PRKCZ: variants seen among roughly 807,000 people sequenced by gnomAD.
The protein encoded by PRKCZ is protein kinase C zeta type.
PRKCZ carries 33 observed loss-of-function variants against 79.5 expected under a neutral mutation model. The ratio of observed to expected loss-of-function variants is 0.41; its 90% confidence interval spans 0.31 to 0.55. The LOEUF (loss-of-function observed/expected upper bound fraction) is 0.55. Among genes scored for constraint, PRKCZ ranks in the 20% least tolerant of loss-of-function variants. PRKCZ has a pLI of 0.19. For synonymous variants in PRKCZ, 342 were observed against 320.9 expected (o/e 1.07, Z -0.70); for missense variants, 578 against 813.5 (o/e 0.71, Z 3.52).
chr1:2,169,732 C>T (rs1191620163), intron 11 of PRKCZ, 128 bp downstream of exon 11: 16 of 280,444 alleles, frequency 5.7e-5, no homozygotes, highest in Non-Finnish European at 8.4e-5. Context: ...AGTTGGGGGG[C>T]CGGGTGGGTG....
chr1:2,107,328 G>A (rs1394323796), intron 4 of PRKCZ, among the ~76,000 whole-genome samples: 1 of 152,234 alleles, frequency 6.6e-6, no homozygotes. Flanking sequence ...GGCAGGTCCT[G>A]CTCCAGACCT....
At chr1:2,102,750 C>T (rs1237295925) in intron 4 of PRKCZ, among the ~76,000 whole-genome samples, 1 of 152,186 alleles carries the variant, frequency 6.6e-6, no homozygotes, top group East Asian at 1.9e-4. Flanking sequence ...CAAGTCTCCT[C>T]CCCCAACCCC....
In PRKCZ at chr1:2,169,724, T is replaced by C. The variant is rs1250704676; in HGVS notation, c.1061+120T>C. 1.4e-3 allele frequency: 371 copies of C among 269,176 alleles called. 1 individual carries two copies. The highest frequency in any genetic ancestry group is 1.9e-3 in the Non-Finnish European group (307 of 164,660). 16.7% of individuals were successfully genotyped at this position (269,176 alleles called of 1,614,324 possible). A position where few individuals can be genotyped will look rare whatever the true frequency, so the allele number is the denominator to read the frequency against. ...GGATGACGGGTGGGTGCGCGCGGAG[T>C]TGGGGGGCCGGGTGGGTGTGCGCAG... On this transcript the variant is annotated intron_variant, in intron 11 of 17. Coordinates refer to ENST00000378567, the MANE Select transcript of PRKCZ (RefSeq NM_002744.6).
At position 2,172,415 on chromosome 1, in the gene PRKCZ, C is replaced by T. The variant is rs369956885; in HGVS notation, c.1285+27C>T. The T allele has an allele frequency of 1.2e-5, 19 of 1,599,318 alleles. No homozygotes were observed. The African/African-American group carries it at 1.2e-4, about 10-fold the overall frequency. ...TGAGTGCCGCTGCCCTGGCCCCTCT[C>T]GGAGCACACAGGGCCAGAGATGGCT... On this transcript the variant is annotated intron_variant, in intron 13 of 17. Transcript: ENST00000378567. This position sits in a 1 kb window ranked among gnomAD's most constrained non-coding sequence, Gnocchi z 7.8.
At chr1:2,154,241 G>T (rs1264263193) in intron 9 of PRKCZ, among the ~76,000 whole-genome samples, 1 of 152,106 alleles carries the variant, frequency 6.6e-6, no homozygotes, top group Non-Finnish European at 1.5e-5. Flanking sequence ...TGTGGCCTGG[G>T]GTGGCGTGAG....
intron 4 of PRKCZ, among the ~76,000 whole-genome samples, chr1:2,105,698 C>A (rs1668276987): frequency 6.6e-6 from 1 of 152,180 alleles, no homozygotes; most frequent in Non-Finnish European, 1.5e-5. Context: ...CCACTCCTGG[C>A]CAGGTCTTTT....
Position 2,172,452 on chromosome 1 carries a change from C to A in PRKCZ, c.1285+64C>A. On this transcript the variant is annotated intron_variant, in intron 13 of 17. Coordinates refer to ENST00000378567, the MANE Select transcript of PRKCZ (RefSeq NM_002744.6). This position sits in a 1 kb window ranked among gnomAD's most constrained non-coding sequence, Gnocchi z 7.8. ...GGCCAGAGATGGCTTCGGGCCTGGC[C>A]CAGCAGCCAGGGAGAGGTGTCCTTG... 1 of 1,509,572 alleles carries A rather than the reference C, an allele frequency of 6.6e-7. No homozygotes were observed. The highest frequency in any genetic ancestry group is 9.0e-7 in the Non-Finnish European group (1 of 1,115,534). The allele number at this position is 1,509,572 out of a possible 1,614,324, so 93.5% of individuals were successfully genotyped here. A position where few individuals can be genotyped will look rare whatever the true frequency, so the allele number is the denominator to read the frequency against.
chr1:2,086,814 G>T (rs72921260), intron 4 of PRKCZ, among the ~76,000 whole-genome samples: 1 of 152,206 alleles, frequency 6.6e-6, no homozygotes, highest in African/African-American at 2.4e-5. Flanking sequence ...CTGTTCGCTC[G>T]TGTGCTCTGC....
chr1:2,152,788 C>T lies in PRKCZ; in HGVS notation c.876+1810C>T, dbSNP rs1040805140. On this transcript the variant is annotated intron_variant, in intron 9 of 17. Transcript: ENST00000378567. ...GTGAGCTTTTGGTGTCTGGCTTCTCCAGTGTCCGTCCATGTGGCCGCTCGC... is the reference window on the plus strand; with the variant it reads ...GTGAGCTTTTGGTGTCTGGCTTCTCTAGTGTCCGTCCATGTGGCCGCTCGC... Among the ~76,000 whole-genome samples, 8 of 152,214 alleles carry T rather than the reference C, an allele frequency of 5.3e-5. No homozygotes were observed. The East Asian group carries it at 9.6e-4, about 18-fold the overall frequency.
chr1:2,184,527 A>G (rs373967833), intron 16 of PRKCZ, 56 bp from the exon 17 acceptor site: 59 of 1,357,044 alleles, frequency 4.3e-5, no homozygotes, highest in Admixed American at 1.3e-4. Flanking sequence ...AAAACACTCA[A>G]TCTGGTAGGG....
rs985845602 is a variant in PRKCZ at position 2,165,284 on chromosome 1, G to T, written c.975-4234G>T. Among the ~76,000 whole-genome samples, 1 of 152,182 alleles carries T rather than the reference G, an allele frequency of 6.6e-6. No homozygotes were observed. The highest frequency in any genetic ancestry group is 1.5e-5 in the Non-Finnish European group (1 of 68,036). ...GCCCTGTAATGACGGTGCTGTCACC[G>T]CTGTGATGTCCGCTGTGAGGTGGGG... On this transcript the variant is annotated intron_variant, in intron 10 of 17. Coordinates refer to ENST00000378567, the MANE Select transcript of PRKCZ (RefSeq NM_002744.6). The surrounding 1 kb of genome is among the most constrained non-coding windows in gnomAD (Gnocchi z 4.1).
chr1:2,065,888 GCTT>G (rs1031703055), intron 4 of PRKCZ, among the ~76,000 whole-genome samples: 1 of 151,990 alleles, frequency 6.6e-6, no homozygotes, highest in African/African-American at 2.4e-5. Context: ...TTTGTCACAT[GCTT>G]CTTCTGCATC....
chr1:2,114,342 CAA>C (rs1670326186), intron 4 of PRKCZ, among the ~76,000 whole-genome samples: 2 of 151,734 alleles, frequency 1.3e-5, no homozygotes, highest in African/African-American at 4.8e-5. Flanking sequence ...TTTTGTTGGA[CAA>C]AAAAGGAATA....
chr1:2,106,898 G>A (rs79316634), intron 4 of PRKCZ, among the ~76,000 whole-genome samples: 341 of 112,174 alleles, frequency 3.0e-3, no homozygotes, highest in East Asian at 0.018. Context: ...CAGGCCAGGT[G>A]ACTCTCAGCA....
chr1:2,048,945 C>T (rs955520562), upstream of PRKCZ, among the ~76,000 whole-genome samples: 34 of 152,174 alleles, frequency 2.2e-4, no homozygotes, highest in Admixed American at 2.0e-4. Context: ...GCAGGTGGAT[C>T]ACCTGAGGTC....
chr1:2,059,808 G>A (rs538918807), intron 4 of PRKCZ, among the ~76,000 whole-genome samples: 10 of 152,352 alleles, frequency 6.6e-5, no homozygotes, highest in African/African-American at 2.4e-4. Flanking sequence ...GACTCGCTTG[G>A]CTGGTTGGTA....
In PRKCZ at chr1:2,090,164, A is replaced by G. The variant is rs544589947; in HGVS notation, c.334+30573A>G. ...TAACTGATTACATCTGCAGTGTCCT[A>G]TGTGTAAATAAGGGCATGTTCTGAG... On this transcript the variant is annotated intron_variant, in intron 4 of 17. Transcript: ENST00000378567. Among the ~76,000 whole-genome samples the G allele has an allele frequency of 2.3e-4, 35 of 152,240 alleles. 3 individuals carry two copies. In the South Asian group the frequency reaches 5.0e-3, roughly 22 times the overall value.
rs1163281230 is a variant in PRKCZ, at chr1:2,082,058, C to T, written c.334+22467C>T. On this transcript the variant is annotated intron_variant, in intron 4 of 17. Transcript: ENST00000378567. This position sits in a 1 kb window ranked among gnomAD's most constrained non-coding sequence, Gnocchi z 4.4. Reference sequence around the variant, plus strand: ...GGCTTGATCCGGGCTGCCGTGGTTCCGATCGACTCCGAATAGGACACCACA... The same window carrying T: ...GGCTTGATCCGGGCTGCCGTGGTTCTGATCGACTCCGAATAGGACACCACA... Among the ~76,000 whole-genome samples the T allele has an allele frequency of 2.6e-5, 4 of 152,242 alleles. No homozygotes were observed. The highest frequency in any genetic ancestry group is 7.2e-5 in the African/African-American group (3 of 41,460).
chr1:2,129,376 A>G (rs1327893995), intron 4 of PRKCZ, among the ~76,000 whole-genome samples: 6 of 152,148 alleles, frequency 3.9e-5, no homozygotes, highest in Non-Finnish European at 8.8e-5. Context: ...CTGCACTCAG[A>G]ACTGTCACGG....
Sources: gnomAD v4.1 joint callset for allele counts (sites outside exome capture counted in the v4.1 genomes callset) on GRCh38, gnomAD v4.1.1 for gene constraint, Gnocchi (gnomAD v3.1) non-coding constraint, MANE v1.5 for transcripts, NCBI Gene and HGNC (gene_info 2026-07-23, HGNC 2026-07-21) for gene names.